Variants in SLC4A5 observed in about 807,000 individuals in gnomAD.
SLC4A5 encodes solute carrier family 4 member 5.
Under a neutral mutation model 120.4 loss-of-function variants are expected in SLC4A5, and 96 were observed. The ratio of observed to expected loss-of-function variants is 0.80; its 90% CI spans 0.68 to 0.94. The LOEUF (loss-of-function observed/expected upper bound fraction) is 0.94. Ranked by LOEUF, SLC4A5 falls within the 40% of genes least tolerant of loss-of-function variation. The pLI is 0.00. For synonymous variants in SLC4A5, 550 were observed against 571.1 expected (o/e 0.96, Z 0.53); for missense variants, 1,259 against 1,459.5 (o/e 0.86, Z 2.24).
chr2:74,315,876 T>G (rs1181630081), intron 5 of SLC4A5, among the ~76,000 whole-genome samples: 1 of 151,988 alleles, frequency 6.6e-6, no homozygotes, highest in African/African-American at 2.4e-5. Context: ...GGACATAAAA[T>G]ATAGTTGAGA....
chr2:74,227,207 G>T, intron 26 of SLC4A5, 77 bp from the exon 27 acceptor site: 1 of 1,468,398 alleles, frequency 6.8e-7, no homozygotes. Context: ...GGGAAGGGGT[G>T]CCTGGGTGGG....
At chr2:74,273,615 G>C (rs567411325) in intron 8 of SLC4A5, among the ~76,000 whole-genome samples, 1 of 152,244 alleles carries the variant, frequency 6.6e-6, no homozygotes, top group South Asian at 2.1e-4. Flanking sequence ...AATACATTTT[G>C]TAACTCCAAC....
chr2:74,261,990 G>A (rs1283214119), intron 11 of SLC4A5, 147 bp downstream of exon 11: 1 of 636,410 alleles, frequency 1.6e-6, no homozygotes, highest in African/African-American at 1.8e-5. Flanking sequence ...CCTGGGTTTA[G>A]AGTGAAAGTT....
chr2:74,271,204 G>GT (rs1409514633), intron 8 of SLC4A5, among the ~76,000 whole-genome samples: 2 of 152,114 alleles, frequency 1.3e-5, no homozygotes, highest in African/African-American at 2.4e-5. Flanking sequence ...TTTCCTCTCT[G>GT]TTTTCCACTG....
At chr2:74,248,450 C>T (rs1415299713) in exon 18 of SLC4A5, 1 of 1,614,174 alleles carries the variant, frequency 6.2e-7, no homozygotes, top group Non-Finnish European at 8.5e-7. Context: ...AACAAGGAGC[C>T]AGCCATGGCA....
chr2:74,342,248 T>C (rs1229209025), intron 2 of SLC4A5, among the ~76,000 whole-genome samples: 2 of 152,246 alleles, frequency 1.3e-5, no homozygotes, highest in South Asian at 2.1e-4. Context: ...TTTGTTGGCA[T>C]GGCCACCATC....
intron 11 of SLC4A5, among the ~76,000 whole-genome samples, chr2:74,261,143 T>C (rs1163696432): frequency 6.6e-6 from 1 of 152,216 alleles, no homozygotes; most frequent in East Asian, 1.9e-4. Flanking sequence ...ACCTTGAATA[T>C]GACCTGGTTC....
At chr2:74,253,012 C>G (rs931037597) in exon 15 of SLC4A5, 2 of 1,614,186 alleles carry the variant, frequency 1.2e-6, no homozygotes, top group South Asian at 1.1e-5. Flanking sequence ...GGGGCTCAAT[C>G]CGGATATTTG....
intron 5 of SLC4A5, among the ~76,000 whole-genome samples, chr2:74,324,581 C>T (rs1673174558): frequency 6.6e-6 from 1 of 152,142 alleles, no homozygotes; most frequent in Admixed American, 6.5e-5. Context: ...GAAAGTAACT[C>T]CCAATTTATA....
chr2:74,246,889 T>A, intron 19 of SLC4A5, 147 bp downstream of exon 19: 1 of 1,083,508 alleles, frequency 9.2e-7, no homozygotes, highest in Non-Finnish European at 1.3e-6. Flanking sequence ...AAACACTGGG[T>A]TCAAGACCCT....
intron 6 of SLC4A5, among the ~76,000 whole-genome samples, chr2:74,313,537 T>G (rs974083332): frequency 1.3e-5 from 2 of 152,206 alleles, no homozygotes; most frequent in Admixed American, 6.5e-5. Flanking sequence ...CCCCACTGCA[T>G]GCTCTTCTGG....
Position 74,326,035 on chromosome 2 carries a change from C to A in SLC4A5, c.-3+2085G>T, listed in dbSNP as rs184704993. ...GGTATGGGTTACTGACAGTCTTCCA[C>A]TTCTGGGTTCCAGGCCCTTCCTGAG... is the stretch of plus-strand genomic sequence containing the variant. On this transcript the variant is annotated intron_variant, in intron 5 of 30. Transcript: ENST00000394019. Among the ~76,000 whole-genome samples, 154 of 152,234 alleles carry A rather than the reference C, an allele frequency of 1.0e-3. 2 individuals are homozygous for A. Among genetic ancestry groups the A allele is most frequent in the Middle Eastern group, 3.4e-3 (1 of 294 alleles).
intron 5 of SLC4A5, among the ~76,000 whole-genome samples, chr2:74,316,585 A>G (rs1170761048): frequency 6.6e-6 from 1 of 152,218 alleles, no homozygotes; most frequent in African/African-American, 2.4e-5. Context: ...ATAAGGTACC[A>G]AACTGTAAAC....
At chr2:74,250,641 A>C in intron 16 of SLC4A5, 124 bp from the exon 17 acceptor site, 1 of 1,150,376 alleles carries the variant, frequency 8.7e-7, no homozygotes, top group Non-Finnish European at 1.2e-6. Flanking sequence ...GATGGGGCAA[A>C]GATCTTTCCA....
At chr2:74,314,677 G>A (rs1269515366) in intron 6 of SLC4A5, among the ~76,000 whole-genome samples, 2 of 152,188 alleles carry the variant, frequency 1.3e-5, no homozygotes, top group Non-Finnish European at 2.9e-5. Flanking sequence ...TGCAGATCTT[G>A]TAAAATTAGG....
Position 74,265,839 on chromosome 2 carries a change from G to C in SLC4A5, c.402-575C>G, listed in dbSNP as rs199553201. 5.3e-5 allele frequency among the ~76,000 whole-genome samples: 8 copies of C among 152,276 alleles called. 1 individual carries two copies. The East Asian group carries it at 1.5e-3, about 29-fold the overall frequency. On this transcript the variant is annotated intron_variant, in intron 8 of 30. Transcript: ENST00000394019. Reference sequence around the variant, plus strand: ...AAAATTCACATGCCATCCAGGGAAGGAAAGAAATTAAACCAAGGATGTGTA... The same window carrying C: ...AAAATTCACATGCCATCCAGGGAAGCAAAGAAATTAAACCAAGGATGTGTA...
intron 8 of SLC4A5, among the ~76,000 whole-genome samples, chr2:74,279,108 G>A (rs1045392515): frequency 2.0e-5 from 3 of 152,178 alleles, no homozygotes; most frequent in African/African-American, 7.2e-5. Flanking sequence ...GTAAGCCTAC[G>A]ATGTGCTCAG....
chr2:74,300,673 A>C (rs1672453564), intron 7 of SLC4A5, among the ~76,000 whole-genome samples: 2 of 152,124 alleles, frequency 1.3e-5, no homozygotes, highest in Non-Finnish European at 2.9e-5. Context: ...TTTCCTGTGC[A>C]GACCTCCATC....
intron 5 of SLC4A5, among the ~76,000 whole-genome samples, chr2:74,323,628 A>G (rs1673146991): frequency 1.3e-5 from 2 of 152,238 alleles, no homozygotes; most frequent in Admixed American, 1.3e-4. Flanking sequence ...GGGATTTTAG[A>G]ACAACTCAAG....
Sources: allele counts gnomAD v4.1 joint callset (sites outside exome capture counted in the v4.1 genomes callset), GRCh38; gene constraint gnomAD v4.1.1; transcripts MANE v1.5; gene names NCBI Gene and HGNC (gene_info 2026-07-23, HGNC 2026-07-21).